Variants in C3orf20 observed in about 807,000 individuals in gnomAD.
C3orf20 encodes uncharacterized protein C3orf20.
Under a neutral mutation model 88.3 loss-of-function variants are expected in C3orf20, and 76 were observed. The observed-to-expected ratio is 0.86, with a 90% CI of 0.72 to 1.04. C3orf20 has a LOEUF of 1.04. C3orf20 is among the 50% of genes least tolerant of loss of function. The pLI is 0.00. For synonymous variants in C3orf20, 436 were observed against 437.4 expected, an observed-to-expected ratio of 1.00 and a Z score of 0.04; for missense variants, 1,056 against 1,123.3, an observed-to-expected ratio of 0.94 and a Z score of 0.86.
In C3orf20 at chr3:14,721,705, C is replaced by T. The variant is rs757631181; in HGVS notation, c.1487C>T (p.Thr496Ile). 3 of 1,614,182 alleles carry T rather than the reference C, an allele frequency of 1.9e-6. No individual in the cohort carries two copies. The highest frequency in any genetic ancestry group is 1.7e-6 in the Non-Finnish European group (2 of 1,180,026). Residue 496 changes from threonine (T) to isoleucine (I), a missense_variant, in exon 10 of 17, where the codon ACC becomes ATC. Physicochemically the swap from Thr to Ile is moderately conservative, Grantham distance 89 (BLOSUM62 -1). Transcript: ENST00000253697. ...KVLGQDSITV[T>I]FTSLNETVTL... ...CTGGGACAGGACTCCATCACAGTCA[C>T]CTTCACCTCCCTGAATGAGACAGTA...
chr3:14,688,137 A>C (rs919193671), intron 4 of C3orf20, among the ~76,000 whole-genome samples: 2 of 152,202 alleles, frequency 1.3e-5, no homozygotes, highest in Non-Finnish European at 2.9e-5. Flanking sequence ...AGAAGATTCA[A>C]ACTCTGATGA....
chr3:14,707,360 C>T (rs572733469), intron 7 of C3orf20, among the ~76,000 whole-genome samples: 1 of 151,334 alleles, frequency 6.6e-6, no homozygotes, highest in South Asian at 2.1e-4. Flanking sequence ...AATGTTCATT[C>T]ATTCATTCTA....
intron 1 of C3orf20, among the ~76,000 whole-genome samples, chr3:14,676,947 G>T (rs2031804259): frequency 6.6e-6 from 1 of 152,176 alleles, no homozygotes; most frequent in African/African-American, 2.4e-5. Flanking sequence ...TGTCCAGAAT[G>T]CTGTTTTATA....
intron 12 of C3orf20, among the ~76,000 whole-genome samples, chr3:14,730,320 G>A (rs1397613490): frequency 1.3e-5 from 2 of 152,150 alleles, no homozygotes; most frequent in Admixed American, 6.5e-5. Flanking sequence ...GGCCGAGGCG[G>A]GCAGATCACG....
At chr3:14,695,583 G>A (rs905845709) in intron 5 of C3orf20, among the ~76,000 whole-genome samples, 6 of 152,160 alleles carry the variant, frequency 3.9e-5, no homozygotes, top group African/African-American at 1.4e-4. Context: ...AGTGCCGAAA[G>A]TGGGGTGTTG....
chr3:14,696,652 A>G (rs2033016610), intron 5 of C3orf20, among the ~76,000 whole-genome samples: 1 of 151,946 alleles, frequency 6.6e-6, no homozygotes, highest in South Asian at 2.1e-4. Context: ...TGCTGGAATT[A>G]TAGGCGTGAG....
At chr3:14,759,401 G>A (rs183992006) in intron 13 of C3orf20, among the ~76,000 whole-genome samples, 304 of 152,236 alleles carry the variant, frequency 2.0e-3, no homozygotes, top group Non-Finnish European at 3.2e-3. Flanking sequence ...CTACCTTGAG[G>A]TGTGGGTTCA....
At chr3:14,692,989 C>T (rs1052450346) in intron 5 of C3orf20, among the ~76,000 whole-genome samples, 1 of 152,132 alleles carries the variant, frequency 6.6e-6, no homozygotes, top group Non-Finnish European at 1.5e-5. Context: ...GTTCTTTCCC[C>T]ATTGTATGTT....
chr3:14,739,846 T>G (rs962016753), intron 12 of C3orf20, among the ~76,000 whole-genome samples: 2 of 152,260 alleles, frequency 1.3e-5, no homozygotes, highest in African/African-American at 4.8e-5. Flanking sequence ...TGAATAACTT[T>G]GCTAGATTAC....
chr3:14,696,101 G>A (rs2032983953), intron 5 of C3orf20, among the ~76,000 whole-genome samples: 1 of 144,818 alleles, frequency 6.9e-6, no homozygotes, highest in African/African-American at 2.6e-5. Flanking sequence ...TTTCTCTGGT[G>A]ATATGATTAA....
At chr3:14,712,438 C>T (rs1008989534) in intron 7 of C3orf20, among the ~76,000 whole-genome samples, 1 of 152,104 alleles carries the variant, frequency 6.6e-6, no homozygotes, top group African/African-American at 2.4e-5. Flanking sequence ...TCCAGTTTAT[C>T]GTACTTTGTT....
chr3:14,747,815 C>A (rs1172862259), intron 12 of C3orf20, among the ~76,000 whole-genome samples: 1 of 151,896 alleles, frequency 6.6e-6, no homozygotes, highest in Non-Finnish European at 1.5e-5. Context: ...GCTAGGAAGA[C>A]AAAGGCAGGC....
At chr3:14,707,108 G>A (rs892952121) in intron 7 of C3orf20, among the ~76,000 whole-genome samples, 7 of 152,000 alleles carry the variant, frequency 4.6e-5, no homozygotes, top group African/African-American at 1.2e-4. Flanking sequence ...AATTAGCCGG[G>A]TGTGGTGGCG....
chr3:14,738,630 C>CTTTT (rs34407504), intron 12 of C3orf20, among the ~76,000 whole-genome samples: 16 of 73,480 alleles, frequency 2.2e-4, no homozygotes, highest in Non-Finnish European at 2.4e-4. Flanking sequence ...CATGCCCGGC[C>CTTTT]TTTTTTTTTT....
At chr3:14,696,120 T>G (rs1165058185) in intron 5 of C3orf20, among the ~76,000 whole-genome samples, 2 of 17,830 alleles carry the variant, frequency 1.1e-4, no homozygotes, top group Non-Finnish European at 2.4e-4. Context: ...AAATTTCTTG[T>G]TTTTTTTTTT....
chr3:14,689,596 C>T lies in C3orf20; in HGVS notation c.626-401C>T, dbSNP rs571525172. On this transcript the variant is annotated intron_variant, in intron 4 of 16. Coordinates refer to ENST00000253697, the MANE Select transcript of C3orf20 (RefSeq NM_032137.5). ...AGAGACTGATATATTATTGAAGAAG[C>T]ATCTGATGTCTGTGGCTTAGATAAG... Among the ~76,000 whole-genome samples the T allele has an allele frequency of 7.9e-5, 12 of 152,302 alleles. No homozygotes were observed. In the East Asian group the frequency reaches 2.3e-3, roughly 29 times the overall value.
intron 12 of C3orf20, among the ~76,000 whole-genome samples, chr3:14,731,251 C>T (rs1283277153): frequency 1.3e-5 from 2 of 152,130 alleles, no homozygotes; most frequent in African/African-American, 2.4e-5. Flanking sequence ...TACAGCCTTT[C>T]GAATCTATCT....
At chr3:14,704,651 C>T (rs2033424349) in intron 7 of C3orf20, 33 bp downstream of exon 7, 1 of 1,602,862 alleles carries the variant, frequency 6.2e-7, no homozygotes, top group Non-Finnish European at 8.5e-7. Context: ...CCTATCTCCC[C>T]AGCTACTCAA....
Position 14,682,577 on chromosome 3 carries a change from G to C in C3orf20, c.-136-1G>C, listed in dbSNP as rs2032150830. The C allele has an allele frequency of 8.6e-7, 1 of 1,168,890 alleles. No individual in the cohort carries two copies. Among genetic ancestry groups the C allele is most frequent in the Admixed American group, 2.3e-5 (1 of 43,454 alleles). The allele number at this position is 1,168,890 out of a possible 1,614,324, so 72.4% of individuals were successfully genotyped here. A position where few individuals can be genotyped will look rare whatever the true frequency, so the allele number is the denominator to read the frequency against. On this transcript the variant is annotated splice_acceptor_variant, in intron 2 of 16. Transcript: ENST00000253697. LOFTEE classifies it low-confidence loss of function (5UTR_SPLICE). ...ACTCTTTTCTTGTCCTTTCCGGATA[G>C]GAACCACTGGCTCAATGACCTGTAA... is the stretch of plus-strand genomic sequence containing the variant.
Sources: allele counts gnomAD v4.1 joint callset (sites outside exome capture counted in the v4.1 genomes callset), GRCh38; gene constraint gnomAD v4.1.1; transcripts MANE v1.5; gene names NCBI Gene and HGNC (gene_info 2026-07-23, HGNC 2026-07-21).